SPRY3: variants seen among roughly 807,000 people sequenced by gnomAD.
SPRY3 encodes sprouty RTK signaling antagonist 3.
A neutral mutation model predicts 20.2 loss-of-function variants in SPRY3; 15 were observed. The ratio of observed to expected loss-of-function variants is 0.74; its 90% CI spans 0.50 to 1.14. The LOEUF is 1.14. Ranked by LOEUF, SPRY3 falls within the 50% of genes most tolerant of loss-of-function variation. SPRY3 has a pLI of 0.00. For missense variants in SPRY3, 364 were observed against 363.9 expected (o/e 1.00, Z 0.00); for synonymous variants, 143 against 136.5 (o/e 1.05, Z -0.33).
intron 2 of SPRY3, among the ~76,000 whole-genome samples, chrX:155,711,889 G>C (rs894050077): frequency 2.0e-5 from 3 of 150,600 alleles, no homozygotes; most frequent in African/African-American, 7.3e-5. Context: ...CTTAGGTTTT[G>C]GTATGTTGTG....
chrX:155,749,071 C>A (rs182199206), intron 2 of SPRY3, among the ~76,000 whole-genome samples: 1 of 151,860 alleles, frequency 6.6e-6, no homozygotes, highest in African/African-American at 2.4e-5. Context: ...CACACTCAAT[C>A]ACACAATGCC....
chrX:155,769,237 G>C (rs2091366433), intron 3 of SPRY3, among the ~76,000 whole-genome samples: 1 of 152,152 alleles, frequency 6.6e-6, no homozygotes, highest in South Asian at 2.1e-4. Context: ...TGATCTGAGT[G>C]ACTTAGATTT....
At chrX:155,623,852 C>T (rs1557349668) in intron 1 of SPRY3, among the ~76,000 whole-genome samples, 1 of 112,003 alleles carries the variant, frequency 8.9e-6, no homozygotes, top group African/African-American at 3.2e-5. Flanking sequence ...CTAAGTGAAA[C>T]AAAATTTGGT....
chrX:155,625,710 A>G (rs56052902), intron 1 of SPRY3, among the ~76,000 whole-genome samples: 4,672 of 111,198 alleles, frequency 0.042, 102 homozygotes, highest in Non-Finnish European at 0.067. Context: ...TACCCCAAAA[A>G]CAAACCCTGC....
chrX:155,781,810 T>A (rs700456), exon 2 of SPRY3: 167,158 of 167,158 alleles, frequency 1, 83,579 homozygotes, highest in Non-Finnish European at 1. Flanking sequence ...TTAGTCAATC[T>A]TTTAGGTATT....
chrX:155,690,956 C>T (rs12390961), intron 2 of SPRY3, among the ~76,000 whole-genome samples: 1,539 of 86,974 alleles, frequency 0.018, 429 homozygotes, highest in African/African-American at 0.082. Flanking sequence ...TTCTTACCAA[C>T]TTTTTTCAAA....
At chrX:155,684,456 A>T (rs1020916983) in intron 2 of SPRY3, among the ~76,000 whole-genome samples, 3 of 111,759 alleles carry the variant, frequency 2.7e-5, no homozygotes, top group Non-Finnish European at 5.6e-5. Flanking sequence ...ATTTAGAATC[A>T]ATAAATCTAT....
At chrX:155,722,451 G>A (rs1225486548) in intron 2 of SPRY3, among the ~76,000 whole-genome samples, 6 of 152,222 alleles carry the variant, frequency 3.9e-5, no homozygotes, top group African/African-American at 9.6e-5. Flanking sequence ...AACCCAGGAG[G>A]TGGAGGTTGC....
chrX:155,703,983 CTG>C (rs1328191194), intron 2 of SPRY3, among the ~76,000 whole-genome samples: 1 of 151,858 alleles, frequency 6.6e-6, no homozygotes, highest in Non-Finnish European at 1.5e-5. Flanking sequence ...TAACTACTAA[CTG>C]TAATAATGCA....
At chrX:155,662,087 T>C (rs1001988029) in intron 2 of SPRY3, among the ~76,000 whole-genome samples, 12 of 112,203 alleles carry the variant, frequency 1.1e-4, no homozygotes, top group African/African-American at 3.9e-4. Flanking sequence ...GCTAGTGTGA[T>C]TCTTTGGGGT....
chrX:155,616,108 CT>C (rs2067851128), intron 1 of SPRY3, among the ~76,000 whole-genome samples: 1 of 49,554 alleles, frequency 2.0e-5, no homozygotes, highest in African/African-American at 4.8e-5. Context: ...GGGTCTCTCT[CT>C]CTCTCTCTCT....
Position 155,773,307 on chromosome X carries a change from GATATATATATATATATATATATATATAT to G in SPRY3, c.-106-452_-106-425del, listed in dbSNP as rs1556238552. Among the ~76,000 whole-genome samples the G allele has an allele frequency of 2.5e-5, 3 of 120,740 alleles. No individual in the cohort carries two copies. In the Admixed American group the frequency reaches 2.6e-4, roughly 10 times the overall value. The allele number at this position is 120,740 out of a possible 152,430, so 79.2% of individuals were successfully genotyped here. A position where few individuals can be genotyped will look rare whatever the true frequency, so the allele number is the denominator to read the frequency against. On this transcript the variant is annotated intron_variant, in intron 3 of 3. Coordinates refer to ENST00000675360, the Ensembl canonical transcript of SPRY3. ...CACACTGAAAAGATAATTTTGATTG[GATATATATATATATATATATATATATAT>G]ATATATGAGCAACTTCTCATGGGAG...
At chrX:155,734,849 T>G (rs2091157444) in intron 2 of SPRY3, among the ~76,000 whole-genome samples, 1 of 152,010 alleles carries the variant, frequency 6.6e-6, no homozygotes, top group East Asian at 1.9e-4. Context: ...TGTTTTCAAT[T>G]TCTTTGATTG....
At chrX:155,700,567 G>A (rs1265101769) in intron 2 of SPRY3, among the ~76,000 whole-genome samples, 3 of 100,592 alleles carry the variant, frequency 3.0e-5, no homozygotes, top group South Asian at 4.4e-4. Flanking sequence ...ACAAAATGTG[G>A]CATATACACA....
At chrX:155,718,172 G>A (rs928426638) in intron 2 of SPRY3, among the ~76,000 whole-genome samples, 3 of 145,794 alleles carry the variant, frequency 2.1e-5, no homozygotes, top group African/African-American at 8.0e-5. Context: ...TACTTGTTTT[G>A]TCAGGAGAGG....
In SPRY3 at chrX:155,735,764, G is replaced by A. The variant is rs147735840; in HGVS notation, c.-281-32198G>A. 8.2e-4 allele frequency among the ~76,000 whole-genome samples: 124 copies of A among 151,970 alleles called. 1 individual carries two copies. In the East Asian group the frequency reaches 0.022, roughly 27 times the overall value. Reference sequence around the variant, plus strand: ...TGGTTCTTTGTTTTTTATCCACTGTGATAATCTGTGTTTTAATTGGTGTAT... The same window carrying A: ...TGGTTCTTTGTTTTTTATCCACTGTAATAATCTGTGTTTTAATTGGTGTAT... On this transcript the variant is annotated intron_variant, in intron 2 of 3. Transcript: ENST00000675360.
intron 2 of SPRY3, among the ~76,000 whole-genome samples, chrX:155,720,453 T>C (rs1390931226): frequency 6.6e-6 from 1 of 152,094 alleles, no homozygotes; most frequent in Non-Finnish European, 1.5e-5. Flanking sequence ...TGAGCAAGCA[T>C]AGGCATTAGC....
intron 3 of SPRY3, among the ~76,000 whole-genome samples, chrX:155,772,092 G>T (rs1374108581): frequency 6.6e-6 from 1 of 152,112 alleles, no homozygotes; most frequent in Non-Finnish European, 1.5e-5. Context: ...ATATTTATTT[G>T]CATTCTCTTA....
intron 2 of SPRY3, among the ~76,000 whole-genome samples, chrX:155,706,871 C>T (rs1257362254): frequency 6.6e-6 from 1 of 150,966 alleles, no homozygotes; most frequent in Non-Finnish European, 1.5e-5. Flanking sequence ...ACACCGTAGG[C>T]CCATATTATT....
Sources: allele counts gnomAD v4.1 joint callset (sites outside exome capture counted in the v4.1 genomes callset), GRCh38; gene constraint gnomAD v4.1.1; transcripts MANE v1.5; gene names NCBI Gene and HGNC (gene_info 2026-07-23, HGNC 2026-07-21).